EXOSC10: variants seen among roughly 807,000 people sequenced by gnomAD.
EXOSC10 encodes exosome complex component 10.
In EXOSC10, 94 loss-of-function variants were observed where a neutral mutation model predicts 126.6. The observed-to-expected ratio is 0.74, with a 90% CI of 0.63 to 0.88. The LOEUF is 0.88. Among genes scored for constraint, EXOSC10 ranks in the 40% least tolerant of loss-of-function variants. The probability of loss-of-function intolerance (pLI) is 0.00; values close to 1 mark genes in which losing one functional copy is unlikely to be tolerated. For missense variants in EXOSC10, 1,041 were observed against 1,100.5 expected, an observed-to-expected ratio of 0.95 and a Z score of 0.77; for synonymous variants, 395 against 400.8, an observed-to-expected ratio of 0.99 and a Z score of 0.17.
At chr1:11,075,246 T>C (rs1010950355) in intron 17 of EXOSC10, among the ~76,000 whole-genome samples, 1 of 152,150 alleles carries the variant, frequency 6.6e-6, no homozygotes, top group Non-Finnish European at 1.5e-5. Context: ...CTCAAACTCC[T>C]GACCTCAGGT....
chr1:11,087,636 T>G, intron 8 of EXOSC10, 45 bp from the exon 9 acceptor site: 1 of 1,602,984 alleles, frequency 6.2e-7, no homozygotes, highest in Non-Finnish European at 8.5e-7. Context: ...ACAAAGATTA[T>G]ATTAGACTTT....
rs569088506 is a variant in EXOSC10 at position 11,075,914 on chromosome 1, C to CCAGCACTT, written c.1986+920_1986+927dup. 1.0e-4 allele frequency among the ~76,000 whole-genome samples: 15 copies of CCAGCACTT among 149,342 alleles called. No homozygotes were observed. In the East Asian group the frequency reaches 2.8e-3, roughly 27 times the overall value. Reference sequence around the variant, plus strand: ...GGTGTGGTGGCTCATGCCTGTAATCCCAGCACTTTGGGAGGCTTAGGTGGG... The same window carrying CCAGCACTT: ...GGTGTGGTGGCTCATGCCTGTAATCCCAGCACTTCAGCACTTTGGGAGGCTTAGGTGGG... On this transcript the variant is annotated intron_variant, in intron 17 of 24. Transcript: ENST00000376936.
chr1:11,072,372 C>T, intron 19 of EXOSC10: 1 of 517,652 alleles, frequency 1.9e-6, no homozygotes. Flanking sequence ...CAAAGTGCTA[C>T]TGTCCTCCAG....
chr1:11,090,943 C>A, intron 5 of EXOSC10, 71 bp downstream of exon 5: 1 of 1,515,614 alleles, frequency 6.6e-7, no homozygotes, highest in Non-Finnish European at 9.0e-7. Context: ...GAAGAGAGAC[C>A]TGTACACCCT....
rs1417250164 is a variant in EXOSC10 at position 11,068,020 on chromosome 1, C to T, written c.2615G>A (p.Gly872Glu). The T allele has an allele frequency of 6.2e-7, 1 of 1,614,166 alleles. No individual in the cohort carries two copies. The highest frequency in any genetic ancestry group is 1.3e-5 in the African/African-American group (1 of 75,054). The change falls in exon 24 of 25, where the codon GGA (glycine) becomes GAA (glutamate). Residue 872 changes from glycine (G) to glutamate (E), a missense_variant. Gly to Glu is a moderately conservative substitution (Grantham distance 98, BLOSUM62 -2). This residue lies in a region of EXOSC10 where 388 missense variants were observed against 415.2 expected (regional missense o/e 0.93). Transcript: ENST00000376936. ...GTCCACCACATACCTGTCTGACTTT[C>T]CAGTTGGAAAGGACATGCTTTTGTT... ...VGNKSMSFPT[G>E]KSDRGFRYNW...
intron 3 of EXOSC10, among the ~76,000 whole-genome samples, chr1:11,092,301 G>C (rs1294910418): frequency 1.3e-5 from 2 of 151,950 alleles, no homozygotes; most frequent in Non-Finnish European, 2.9e-5. Flanking sequence ...ATTGCAACCT[G>C]CCTCCCGGGT....
intron 2 of EXOSC10, among the ~76,000 whole-genome samples, chr1:11,096,978 C>T (rs1406568688): frequency 6.6e-6 from 1 of 151,814 alleles, no homozygotes; most frequent in East Asian, 1.9e-4. Context: ...CTATGGGAGG[C>T]TGAGGTGGGT....
intron 20 of EXOSC10, 50 bp from the exon 21 acceptor site, chr1:11,071,023 C>T: frequency 6.4e-7 from 1 of 1,555,680 alleles, no homozygotes; most frequent in Non-Finnish European, 8.8e-7. Flanking sequence ...AGCAACCACC[C>T]TCCCCTCCAT....
chr1:11,084,026 A>C (rs1037827918), intron 9 of EXOSC10, among the ~76,000 whole-genome samples: 2 of 152,138 alleles, frequency 1.3e-5, no homozygotes, highest in African/African-American at 4.8e-5. Flanking sequence ...CCAGTCTATC[A>C]TTGTTGGACA....
Position 11,087,481 on chromosome 1 carries a change from G to A in EXOSC10, c.1056C>T (p.Leu352=). Residue 352 remains leucine (L), a synonymous_variant, in exon 9 of 25, where the codon CTC becomes CTT. Transcript: ENST00000376936. ...TGGCTGGGTCTGTGAGGCTCTCATTGAGAATGTACATGTCACTTCGAAGCT... is the reference window on the plus strand; with the variant it reads ...TGGCTGGGTCTGTGAGGCTCTCATTAAGAATGTACATGTCACTTCGAAGCT... ...TLELRSDMYI[L]NESLTDPAIV... 2 of 1,614,076 alleles carry A rather than the reference G, an allele frequency of 1.2e-6. No homozygotes were observed.
Position 11,081,044 on chromosome 1 carries a change from C to T in EXOSC10, c.1437+38G>A, listed in dbSNP as rs766799349. ...CTAGAACCTGGCCAGACACAGAGCC[C>T]AAGTGTCGCGGTCTGTGTGACTGCG... is the stretch of plus-strand genomic sequence containing the variant. On this transcript the variant is annotated intron_variant, in intron 11 of 24. Transcript: ENST00000376936. 8 of 1,608,510 alleles carry T rather than the reference C, an allele frequency of 5.0e-6. No individual in the cohort carries two copies. The East Asian group carries it at 6.7e-5, about 13-fold the overall frequency.
rs745802020 is a variant in EXOSC10, at chr1:11,080,600, ACACACG to A, written c.1587-57_1587-52del. ...CACACACACACACACACACACACAC[ACACACG>A]GTGGGGACACATTACATTCAGCCAG... On this transcript the variant is annotated intron_variant, in intron 12 of 24. Coordinates refer to ENST00000376936, the MANE Select transcript of EXOSC10 (RefSeq NM_001001998.3). 1.1e-3 allele frequency: 1,388 copies of A among 1,260,168 alleles called. 1 individual carries two copies. The highest frequency in any genetic ancestry group is 4.2e-3 in the African/African-American group (225 of 54,210). 78.1% of individuals were successfully genotyped at this position (1,260,168 alleles called of 1,614,324 possible).
Position 11,068,661 on chromosome 1 carries a change from T to C in EXOSC10, c.2534A>G (p.Gln845Arg). Residue 845 changes from glutamine to arginine, a missense_variant, in exon 23 of 25, where the codon CAG becomes CGG. Transcript: ENST00000376936. ...AGTTCTTACCTTGCCAGACGGGGTC[T>C]GTTTATTTGGATCAAACTGAGAAGA... ...KVSSQFDPNK[Q>R]TPSGKKCIAA... 1 of 1,614,202 alleles carries C rather than the reference T, an allele frequency of 6.2e-7. No individual in the cohort carries two copies. The highest frequency in any genetic ancestry group is 1.3e-5 in the African/African-American group (1 of 75,066).
chr1:11,071,244 C>G, intron 20 of EXOSC10: 1 of 441,702 alleles, frequency 2.3e-6, no homozygotes, highest in Non-Finnish European at 4.0e-6. Flanking sequence ...GCCTGTGGAC[C>G]TGAGGGCGTT....
chr1:11,068,809 G>A (rs1639267322), intron 22 of EXOSC10, 103 bp from the exon 23 acceptor site: 1 of 884,514 alleles, frequency 1.1e-6, no homozygotes, highest in Admixed American at 1.7e-5. Context: ...GGAAGCCTTG[G>A]CTGTGAGAGC....
intron 2 of EXOSC10, among the ~76,000 whole-genome samples, chr1:11,096,713 AAGCGATCCTT>A (rs1641118888): frequency 6.6e-6 from 1 of 151,990 alleles, no homozygotes; most frequent in Admixed American, 6.6e-5. Flanking sequence ...TCCTGGGCTC[AAGCGATCCTT>A]CTGCCTTTGC....
chr1:11,096,389 G>C (rs1641088844), intron 2 of EXOSC10, among the ~76,000 whole-genome samples: 2 of 151,840 alleles, frequency 1.3e-5, no homozygotes, highest in African/African-American at 4.8e-5. Flanking sequence ...GACCTGAAGT[G>C]ATCCACCTGC....
intron 9 of EXOSC10, among the ~76,000 whole-genome samples, chr1:11,085,871 G>A (rs1326056795): frequency 6.6e-6 from 1 of 152,178 alleles, no homozygotes; most frequent in Admixed American, 6.5e-5. Context: ...TGCATCTATT[G>A]AGATAATCAC....
In EXOSC10 at chr1:11,098,141, C is replaced by G. The variant is rs769928922; in HGVS notation, c.127G>C (p.Val43Leu). Residue 43 changes from valine (V) to leucine (L), a missense_variant, in exon 2 of 25, where the codon GTG becomes CTG. Val to Leu is a conservative substitution (Grantham distance 32). This residue lies in a region of EXOSC10 where 645 missense variants were observed against 656.3 expected (regional missense o/e 0.98). Transcript: ENST00000376936. ...DSFVKFALGS[V>L]VAVTKASGGL... ...CCAGATGCCTTGGTGACTGCCACCA[C>G]GGACCCAAGAGCAAACTGTCAAAAA... 1.9e-6 allele frequency: 3 copies of G among 1,607,470 alleles called. No individual in the cohort carries two copies. Among genetic ancestry groups the G allele is most frequent in the Non-Finnish European group, 1.7e-6 (2 of 1,178,252 alleles).
Sources: gnomAD v4.1 joint callset for allele counts (sites outside exome capture counted in the v4.1 genomes callset) on GRCh38, gnomAD v4.1.1 for gene constraint, gnomAD v4.1.1 regional missense constraint, MANE v1.5 for transcripts, NCBI Gene and HGNC (gene_info 2026-07-23, HGNC 2026-07-21) for gene names.